The following CEP85 variants were observed in gnomAD, a reference collection of about 807,000 sequenced individuals.
CEP85 encodes the protein centrosomal protein of 85 kDa.
Under a neutral mutation model 93.7 loss-of-function variants are expected in CEP85, and 58 were observed. That is an observed-to-expected ratio of 0.62 (90% CI 0.50 to 0.77). The LOEUF (loss-of-function observed/expected upper bound fraction) is 0.77, where lower values mean the gene tolerates loss of function less well. Ranked by LOEUF, CEP85 falls within the 30% of genes least tolerant of loss-of-function variation. The pLI is 0.00. For missense variants in CEP85, 868 were observed against 922.0 expected (o/e 0.94, Z 0.76); for synonymous variants, 314 against 338.6 (o/e 0.93, Z 0.80).
At chr1:26,269,989 C>T (rs944590266) in intron 9 of CEP85, among the ~76,000 whole-genome samples, 5 of 151,868 alleles carry the variant, frequency 3.3e-5, no homozygotes, top group Admixed American at 6.6e-5. Flanking sequence ...GGGGTTTCAC[C>T]GTGGTCTCGA....
At chr1:26,274,242 C>G (rs2090021279) in intron 11 of CEP85, among the ~76,000 whole-genome samples, 2 of 152,106 alleles carry the variant, frequency 1.3e-5, no homozygotes, top group Admixed American at 1.3e-4. Context: ...GCTCTTCTAC[C>G]CCTTTCCATG....
At chr1:26,251,867 G>T (rs2089622607) in intron 3 of CEP85, among the ~76,000 whole-genome samples, 1 of 152,168 alleles carries the variant, frequency 6.6e-6, no homozygotes. Context: ...CTTCTGTTTT[G>T]TAATTACACC....
Position 26,276,760 on chromosome 1 carries a change from T to C in CEP85, c.2128T>C (p.Ser710Pro), listed in dbSNP as rs200823254. 97 of 1,611,750 alleles carry C rather than the reference T, an allele frequency of 6.0e-5. No homozygotes were observed. Among genetic ancestry groups the C allele is most frequent in the Non-Finnish European group, 7.8e-5 (92 of 1,178,276 alleles). The stretch of plus-strand genomic sequence containing the variant: ...TCTCTCCCTGCTCCTGGGCATTCAC[T>C]GTGAGTCCTCAGACCAGTCTGGGGC... ...PNLSLLLGIH[S>P]QHPETQLDLQ... is the part of the protein sequence containing the mutation. The change falls in exon 13 of 14, where the codon TCA (serine) becomes CCA (proline). Residue 710 changes from serine (S) to proline (P), a missense_variant and splice_region_variant. Ser to Pro is a moderately conservative substitution (Grantham distance 74). Coordinates refer to ENST00000451429, the MANE Select transcript of CEP85 (RefSeq NM_001319944.2).
In CEP85 at chr1:26,276,558, G is replaced by T; in HGVS notation, c.1926G>T (p.Leu642Phe). The T allele has an allele frequency of 6.2e-7, 1 of 1,614,208 alleles. No homozygotes were observed. Among genetic ancestry groups the T allele is most frequent in the East Asian group, 2.2e-5 (1 of 44,888 alleles). ...VKELSVQNQD[L>F]IEKNLTLQEH... ...AGCTTTCAGTGCAAAACCAGGACTT[G>T]ATTGAGAAGAATCTGACACTCCAGG... The change falls in exon 13 of 14, where the codon TTG (leucine) becomes TTT (phenylalanine). Residue 642 changes from leucine (L) to phenylalanine (F), a missense_variant. Coordinates refer to ENST00000451429, the MANE Select transcript of CEP85 (RefSeq NM_001319944.2).
Position 26,241,244 on chromosome 1 carries a change from AT to A in CEP85, c.55+1422del, listed in dbSNP as rs71004567. Among the ~76,000 whole-genome samples, 129 of 109,282 alleles carry A rather than the reference AT, an allele frequency of 1.2e-3. 1 individual carries two copies. The highest frequency in any genetic ancestry group is 6.3e-3 in the East Asian group (28 of 4,468). The allele number at this position is 109,282 out of a possible 152,430, so 71.7% of individuals were successfully genotyped here. A position where few individuals can be genotyped will look rare whatever the true frequency, so the allele number is the denominator to read the frequency against. Reference sequence around the variant, plus strand: ...ATCAATTCAAGATTCATTCAGCAGAATTTTTTTTTTTTTTTTGAAATGGAGT... The same window carrying A: ...ATCAATTCAAGATTCATTCAGCAGAATTTTTTTTTTTTTTTGAAATGGAGT... On this transcript the variant is annotated intron_variant, in intron 2 of 13. Coordinates refer to ENST00000451429, the MANE Select transcript of CEP85 (RefSeq NM_001319944.2).
At chr1:26,249,263 G>A (rs2124571509) in intron 3 of CEP85, among the ~76,000 whole-genome samples, 1 of 152,290 alleles carries the variant, frequency 6.6e-6, no homozygotes, top group African/African-American at 2.4e-5. Flanking sequence ...TGTATTTTTA[G>A]TAAAGACGGG....
At chr1:26,275,382 G>A (rs1393425119) in intron 12 of CEP85, among the ~76,000 whole-genome samples, 2 of 151,490 alleles carry the variant, frequency 1.3e-5, no homozygotes, top group Non-Finnish European at 2.9e-5. Context: ...CCAGGTTCAA[G>A]CGATTCCCCT....
At chr1:26,251,746 G>C (rs1186222719) in intron 3 of CEP85, among the ~76,000 whole-genome samples, 1 of 152,164 alleles carries the variant, frequency 6.6e-6, no homozygotes, top group Admixed American at 6.5e-5. Context: ...GGGGGTGTGG[G>C]CTCAAAACTG....
chr1:26,245,362 C>G (rs1413021926), intron 3 of CEP85, among the ~76,000 whole-genome samples: 1 of 151,982 alleles, frequency 6.6e-6, no homozygotes, highest in Non-Finnish European at 1.5e-5. Flanking sequence ...TACTGGGGCT[C>G]TTTTTTTCCT....
rs912100955 is a variant in CEP85 at position 26,268,757 on chromosome 1, A to G, written c.1494+122A>G. 3 of 1,007,204 alleles carry G rather than the reference A, an allele frequency of 3.0e-6. No homozygotes were observed. The African/African-American group carries it at 5.0e-5, about 17-fold the overall frequency. The allele number at this position is 1,007,204 out of a possible 1,614,324, so 62.4% of individuals were successfully genotyped here. On this transcript the variant is annotated intron_variant, in intron 8 of 13. Transcript: ENST00000451429. ...CTGAAAGGAGAATCCCAAAGCAGTCATGTCCAGATTCATAATTGTCAGATT... is the reference window on the plus strand; with the variant it reads ...CTGAAAGGAGAATCCCAAAGCAGTCGTGTCCAGATTCATAATTGTCAGATT...
intron 4 of CEP85, among the ~76,000 whole-genome samples, chr1:26,256,480 G>A (rs1346388584): frequency 3.9e-5 from 6 of 152,040 alleles, no homozygotes; most frequent in East Asian, 1.9e-4. Context: ...GCAGTGAGCC[G>A]AGACTGCGCC....
chr1:26,264,956 A>G (rs1262813933), intron 7 of CEP85, among the ~76,000 whole-genome samples: 1 of 147,268 alleles, frequency 6.8e-6, no homozygotes, highest in Non-Finnish European at 1.5e-5. Context: ...AGCTGGGATT[A>G]CAGGCATGTA....
At chr1:26,250,481 A>G (rs2089588864) in intron 3 of CEP85, among the ~76,000 whole-genome samples, 1 of 152,266 alleles carries the variant, frequency 6.6e-6, no homozygotes, top group Non-Finnish European at 1.5e-5. Context: ...ATTCCCTGGT[A>G]ACAAAAAGGT....
At position 26,244,126 on chromosome 1, in the gene CEP85, G is replaced by A. The variant is rs368840217; in HGVS notation, c.56-40G>A. On this transcript the variant is annotated intron_variant, in intron 2 of 13. Coordinates refer to ENST00000451429, the MANE Select transcript of CEP85 (RefSeq NM_001319944.2). Reference sequence around the variant, plus strand: ...AAAAAGATCTGATGGGGTTACATCAGCTGGTTCACAGTAAAGGTGGGAAAT... The same window carrying A: ...AAAAAGATCTGATGGGGTTACATCAACTGGTTCACAGTAAAGGTGGGAAAT... 60 of 1,599,162 alleles carry A rather than the reference G, an allele frequency of 3.8e-5. 1 individual carries two copies. Among genetic ancestry groups the A allele is most frequent in the Non-Finnish European group, 4.9e-5 (57 of 1,170,878 alleles).
At chr1:26,252,786 A>G (rs2089639265) in intron 3 of CEP85, among the ~76,000 whole-genome samples, 1 of 152,172 alleles carries the variant, frequency 6.6e-6, no homozygotes, top group Admixed American at 6.6e-5. Context: ...GATCATCTTC[A>G]GTATAGCAAA....
At chr1:26,261,276 C>T (rs1384993354) in intron 7 of CEP85, among the ~76,000 whole-genome samples, 3 of 151,084 alleles carry the variant, frequency 2.0e-5, no homozygotes, top group African/African-American at 7.3e-5. Context: ...GGTTCGAGAC[C>T]AGCCTGACCA....
At position 26,259,743 on chromosome 1, in the gene CEP85, G is replaced by A. The variant is rs2124589506; in HGVS notation, c.1282G>A (p.Glu428Lys). The change falls in exon 7 of 14, where the codon GAG becomes AAG. Residue 428 changes from glutamate (E) to lysine (K), a missense_variant. Coordinates refer to ENST00000451429, the MANE Select transcript of CEP85 (RefSeq NM_001319944.2). ...TGAAGTTGAAGTCCAGCTCATCAGA[G>A]AGTCGCTCAAAGTGGCGTTGCAGAA... The part of the protein sequence containing the change: ...ASEVEVQLIR[E>K]SLKVALQKHS... 6.2e-7 allele frequency: 1 copy of A among 1,613,876 alleles called. No homozygotes were observed.
chr1:26,261,480 TAAAAG>T (rs934265174), intron 7 of CEP85, among the ~76,000 whole-genome samples: 28 of 152,006 alleles, frequency 1.8e-4, no homozygotes, highest in African/African-American at 6.5e-4. Context: ...CTCAAAAAAA[TAAAAG>T]AAAGTTGGGT....
chr1:26,270,618 G>C lies in CEP85; in HGVS notation c.1650-396G>C, dbSNP rs1019547342. Among the ~76,000 whole-genome samples the C allele has an allele frequency of 1.4e-4, 22 of 152,304 alleles. 1 individual carries two copies. The highest frequency in any genetic ancestry group is 1.0e-3 in the South Asian group (5 of 4,828). On this transcript the variant is annotated intron_variant, in intron 9 of 13. Coordinates refer to ENST00000451429, the MANE Select transcript of CEP85 (RefSeq NM_001319944.2). ...AACCATTGGTTAGAGTCAGAAGTGG[G>C]GTTAGAGGACAAAGTTGGCTTTGCC...
Sources: allele counts gnomAD v4.1 joint callset (sites outside exome capture counted in the v4.1 genomes callset), GRCh38; gene constraint gnomAD v4.1.1; transcripts MANE v1.5; gene names NCBI Gene and HGNC (gene_info 2026-07-23, HGNC 2026-07-21).